MAML3: variants seen among roughly 807,000 people sequenced by gnomAD.
MAML3 encodes the protein mastermind like transcriptional coactivator 3.
MAML3 carries 27 observed loss-of-function variants against 101.9 expected under a neutral mutation model. That is an observed-to-expected ratio of 0.27 (90% confidence interval 0.20 to 0.37). The LOEUF is 0.37. Among genes scored for constraint, MAML3 ranks in the 10% least tolerant of loss-of-function variants. The pLI is 1.00. For synonymous variants in MAML3, 501 were observed against 555.9 expected, an observed-to-expected ratio of 0.90 and a Z score of 1.39; for missense variants, 1,316 against 1,444.9, an observed-to-expected ratio of 0.91 and a Z score of 1.45.
At chr4:139,847,435 A>G (rs560772802) in intron 2 of MAML3, among the ~76,000 whole-genome samples, 2 of 152,324 alleles carry the variant, frequency 1.3e-5, no homozygotes, top group Non-Finnish European at 2.9e-5. Context: ...TTCCATGCAC[A>G]CCTGATACTG....
At chr4:139,896,560 G>A (rs17050987) in intron 1 of MAML3, among the ~76,000 whole-genome samples, 2 of 151,580 alleles carry the variant, frequency 1.3e-5, no homozygotes, top group East Asian at 1.9e-4. Flanking sequence ...TGGCTCCAGC[G>A]CAAGTCCCTC....
At chr4:139,763,179 G>GA (rs1264277036) in intron 2 of MAML3, among the ~76,000 whole-genome samples, 4 of 152,210 alleles carry the variant, frequency 2.6e-5, no homozygotes, top group Non-Finnish European at 5.9e-5. Context: ...TTGTGGACAA[G>GA]AACTTAACTC....
chr4:140,060,101 C>T (rs925983292), intron 1 of MAML3, among the ~76,000 whole-genome samples: 42 of 152,200 alleles, frequency 2.8e-4, no homozygotes, highest in Admixed American at 1.4e-3. Context: ...CGCAGTGGCT[C>T]ACGCCTGTAA....
intron 2 of MAML3, among the ~76,000 whole-genome samples, chr4:139,772,782 T>C (rs1730022558): frequency 6.6e-6 from 1 of 151,762 alleles, no homozygotes; most frequent in South Asian, 2.1e-4. Flanking sequence ...AGCCACTTCT[T>C]AGGAATACCA....
chr4:140,133,785 C>T (rs939648613), intron 1 of MAML3, among the ~76,000 whole-genome samples: 1 of 152,190 alleles, frequency 6.6e-6, no homozygotes, highest in Non-Finnish European at 1.5e-5. Flanking sequence ...AGTGAGTAAG[C>T]TAGGTCTCAC....
chr4:140,040,573 C>A (rs1727066217), intron 1 of MAML3, among the ~76,000 whole-genome samples: 1 of 152,204 alleles, frequency 6.6e-6, no homozygotes, highest in African/African-American at 2.4e-5. Flanking sequence ...TTACATTCAA[C>A]AGAAATTAGA....
intron 1 of MAML3, among the ~76,000 whole-genome samples, chr4:140,119,748 G>A (rs1361570160): frequency 2.6e-5 from 4 of 151,694 alleles, no homozygotes; most frequent in Non-Finnish European, 5.9e-5. Context: ...CAGCCTCCCT[G>A]CTAGCTGGGA....
Position 139,727,982 on chromosome 4 carries a change from G to A in MAML3, c.2332-2147C>T, listed in dbSNP as rs541508841. 1.8e-3 allele frequency among the ~76,000 whole-genome samples: 276 copies of A among 152,266 alleles called. 2 individuals are homozygous for A. Among genetic ancestry groups the A allele is most frequent in the African/African-American group, 4.9e-3 (202 of 41,550 alleles). ...TGTAACCCCAGCACTTTGGGAGGCC[G>A]AGGCAGGCAGATTGCTTGAGCCCAG... On this transcript the variant is annotated intron_variant, in intron 3 of 4. Transcript: ENST00000509479.
chr4:139,890,741 C>T lies in MAML3; in HGVS notation c.695G>A (p.Ser232Asn). 1.9e-6 allele frequency: 3 copies of T among 1,614,038 alleles called. No homozygotes were observed. The highest frequency in any genetic ancestry group is 2.5e-6 in the Non-Finnish European group (3 of 1,179,908). Residue 232 changes from serine (S) to asparagine (N), a missense_variant, in exon 2 of 5, where the codon AGT becomes AAT. Ser to Asn is a conservative substitution (Grantham distance 46). Transcript: ENST00000509479. This position sits in a 1 kb window ranked among gnomAD's most constrained non-coding sequence, Gnocchi z 4.1. The stretch of plus-strand genomic sequence containing the variant: ...TAGAAGCCCAGGAGTGTGAGTTCCA[C>T]TGTTCTGCAAGGGCAAAGAAGGTTT... ...DLKPSLPLQNSGTHTPGLLED... is the reference protein window; with the variant it reads ...DLKPSLPLQNNGTHTPGLLED...
chr4:139,804,291 A>G (rs1730666687), intron 2 of MAML3, among the ~76,000 whole-genome samples: 1 of 150,214 alleles, frequency 6.7e-6, no homozygotes, highest in East Asian at 2.0e-4. Flanking sequence ...TTTGAGACAG[A>G]ATTTTGCTCT....
intron 1 of MAML3, among the ~76,000 whole-genome samples, chr4:140,002,171 T>C (rs558740448): frequency 5.9e-5 from 9 of 152,300 alleles, no homozygotes; most frequent in African/African-American, 1.4e-4. Flanking sequence ...TTTTGTCTAA[T>C]TGAAAATTTT....
rs1270630868 is a variant in MAML3 at position 139,956,043 on chromosome 4, CTTTTCTAA to C, written c.469-65084_469-65077del. Among the ~76,000 whole-genome samples the C allele has an allele frequency of 3.9e-5, 6 of 152,154 alleles. 1 individual carries two copies. The highest frequency in any genetic ancestry group is 2.0e-4 in the Admixed American group (3 of 15,272). On this transcript the variant is annotated intron_variant, in intron 1 of 4. Transcript: ENST00000509479. The stretch of plus-strand genomic sequence containing the variant: ...ATTTGTTACTGTGGCACAACCTTAC[CTTTTCTAA>C]TGCAAAGCAACTGGTTTGAAATCTC...
chr4:140,087,355 T>C lies in MAML3; in HGVS notation c.468+65505A>G, dbSNP rs566752883. On this transcript the variant is annotated intron_variant, in intron 1 of 4. Coordinates refer to ENST00000509479, the MANE Select transcript of MAML3 (RefSeq NM_018717.5). ...GCATCCCATTCTAAAGACATTTTTG[T>C]CTTACGAAGCAATATTTGCCTTGAC... Among the ~76,000 whole-genome samples, 9 of 152,364 alleles carry C rather than the reference T, an allele frequency of 5.9e-5. No homozygotes were observed. The South Asian group carries it at 1.9e-3, about 32-fold the overall frequency.
chr4:139,919,109 A>T (rs1280463418), intron 1 of MAML3, among the ~76,000 whole-genome samples: 1 of 152,176 alleles, frequency 6.6e-6, no homozygotes, highest in Admixed American at 6.5e-5. Context: ...GGGCTCTCAG[A>T]AAAAATATTC....
At chr4:140,109,576 C>A (rs1728407504) in intron 1 of MAML3, among the ~76,000 whole-genome samples, 1 of 152,174 alleles carries the variant, frequency 6.6e-6, no homozygotes, top group Non-Finnish European at 1.5e-5. Flanking sequence ...GAAACGATTT[C>A]TTCTTTTAAT....
intron 1 of MAML3, among the ~76,000 whole-genome samples, chr4:140,003,409 C>T (rs542221842): frequency 5.3e-5 from 8 of 152,076 alleles, no homozygotes; most frequent in East Asian, 3.9e-4. Context: ...AGAAAAAGAA[C>T]GAAATAGTAT....
chr4:140,139,816 A>G (rs1448382924), intron 1 of MAML3, among the ~76,000 whole-genome samples: 1 of 152,240 alleles, frequency 6.6e-6, no homozygotes, highest in Non-Finnish European at 1.5e-5. Context: ...AATGCAAGAC[A>G]GTTGTCTACC....
chr4:139,737,439 G>A (rs1728990132), intron 2 of MAML3, among the ~76,000 whole-genome samples: 1 of 152,032 alleles, frequency 6.6e-6, no homozygotes, highest in Non-Finnish European at 1.5e-5. Context: ...GACCACCCAG[G>A]AGGATGTTGG....
intron 2 of MAML3, among the ~76,000 whole-genome samples, chr4:139,795,127 C>T (rs774165393): frequency 3.3e-4 from 50 of 152,204 alleles, no homozygotes; most frequent in Non-Finnish European, 6.3e-4. Flanking sequence ...TATCTGTCAG[C>T]ATGTCAATAA....
Sources: gnomAD v4.1 joint callset for allele counts (sites outside exome capture counted in the v4.1 genomes callset) on GRCh38, gnomAD v4.1.1 for gene constraint, Gnocchi (gnomAD v3.1) non-coding constraint, MANE v1.5 for transcripts, NCBI Gene and HGNC (gene_info 2026-07-23, HGNC 2026-07-21) for gene names.